SUGCT: variants seen among roughly 807,000 people sequenced by gnomAD.
SUGCT encodes succinyl-CoA:glutarate CoA-transferase.
In SUGCT, 41 loss-of-function variants were observed where a neutral mutation model predicts 55.0. That is an observed-to-expected ratio of 0.74 (90% confidence interval 0.58 to 0.97). The LOEUF is 0.97. SUGCT is among the 50% of genes least tolerant of loss of function. The pLI is 0.00. For synonymous variants in SUGCT, 187 were observed against 200.4 expected (o/e 0.93, Z 0.56); for missense variants, 568 against 547.8 (o/e 1.04, Z -0.37).
intron 9 of SUGCT, among the ~76,000 whole-genome samples, chr7:40,430,081 A>T (rs956304394): frequency 1.3e-5 from 2 of 152,200 alleles, no homozygotes; most frequent in African/African-American, 4.8e-5. Flanking sequence ...GATGAACATT[A>T]GATTATTTCC....
chr7:41,011,055 T>G, the SUGCT span, among the ~76,000 whole-genome samples: 1 of 152,224 alleles, frequency 6.6e-6, no homozygotes, highest in Admixed American at 6.5e-5. Flanking sequence ...GGACATTCAC[T>G]TACTGAGGGC....
At chr7:40,828,377 C>G (rs893785530) in intron 13 of SUGCT, among the ~76,000 whole-genome samples, 1 of 152,020 alleles carries the variant, frequency 6.6e-6, no homozygotes, top group African/African-American at 2.4e-5. Flanking sequence ...TTAATATTGT[C>G]ACAACATTGA....
the SUGCT span, among the ~76,000 whole-genome samples, chr7:40,946,089 T>A: frequency 4.7e-5 from 7 of 150,046 alleles, no homozygotes; most frequent in Non-Finnish European, 8.9e-5. Context: ...GATGGTGATA[T>A]CTGAGGTCAC....
chr7:40,778,176 T>C (rs1466194476), intron 13 of SUGCT, among the ~76,000 whole-genome samples: 1 of 152,256 alleles, frequency 6.6e-6, no homozygotes, highest in Admixed American at 6.5e-5. Context: ...ATTGTTTTAC[T>C]CAGCTGTGGC....
the SUGCT span, among the ~76,000 whole-genome samples, chr7:40,890,030 A>G: frequency 1.3e-4 from 20 of 151,838 alleles, no homozygotes; most frequent in Non-Finnish European, 2.2e-4. Context: ...GTGACAGCAT[A>G]TCTGACATAT....
chr7:40,660,358 A>G (rs751260329), intron 12 of SUGCT, among the ~76,000 whole-genome samples: 2 of 152,108 alleles, frequency 1.3e-5, no homozygotes, highest in Admixed American at 1.3e-4. Context: ...TCCCAGGTTG[A>G]AGCAATTCTC....
At chr7:40,305,640 T>A (rs867970010) in intron 8 of SUGCT, among the ~76,000 whole-genome samples, 1 of 152,180 alleles carries the variant, frequency 6.6e-6, no homozygotes. Context: ...CTCTTGTATA[T>A]GTAGATGAAC....
chr7:40,362,323 G>A (rs1394811766), intron 9 of SUGCT, among the ~76,000 whole-genome samples: 1 of 152,074 alleles, frequency 6.6e-6, no homozygotes, highest in African/African-American at 2.4e-5. Flanking sequence ...GGAGGCTGAG[G>A]TAGGAGAATC....
At position 40,727,671 on chromosome 7, in the gene SUGCT, C is replaced by CT. The variant is rs1786677191; in HGVS notation, c.1090-21758dup. On this transcript the variant is annotated intron_variant, in intron 12 of 13. Coordinates refer to ENST00000335693, the MANE Select transcript of SUGCT (RefSeq NM_001193313.2). ...CAATGTACCTGTCAATTTAATGTAA[C>CT]TTTTTGTCTAATTCTGAATGCATAG... Among the ~76,000 whole-genome samples the CT allele has an allele frequency of 2.0e-5, 3 of 152,220 alleles. No individual in the cohort carries two copies. In the South Asian group the frequency reaches 6.2e-4, roughly 32 times the overall value.
chr7:40,435,707 G>A (rs545903406), intron 9 of SUGCT, among the ~76,000 whole-genome samples: 2 of 152,096 alleles, frequency 1.3e-5, no homozygotes, highest in South Asian at 4.2e-4. Context: ...TTCTCATTGA[G>A]TTAACTGTCT....
At chr7:40,424,410 A>G (rs1787476212) in intron 9 of SUGCT, among the ~76,000 whole-genome samples, 1 of 152,158 alleles carries the variant, frequency 6.6e-6, no homozygotes, top group African/African-American at 2.4e-5. Context: ...TGCCTGAATA[A>G]TCTAAGAATC....
chr7:40,848,421 C>T (rs145297796), intron 13 of SUGCT, among the ~76,000 whole-genome samples: 121 of 152,192 alleles, frequency 8.0e-4, no homozygotes, highest in African/African-American at 2.8e-3. Flanking sequence ...GTCTATGGCT[C>T]GTGTTTTTCC....
chr7:40,459,280 G>T, intron 11 of SUGCT, 82 bp downstream of exon 11: 6 of 922,918 alleles, frequency 6.5e-6, no homozygotes, highest in East Asian at 2.7e-5. Context: ...TTTTTTTCTT[G>T]GCTTATTTGA....
intron 7 of SUGCT, among the ~76,000 whole-genome samples, chr7:40,248,926 T>A (rs199988155): frequency 0.11 from 11,047 of 101,222 alleles, 503 homozygotes; most frequent in Non-Finnish European, 0.16. Context: ...ACACACACAC[T>A]CCCTCTCTCT....
intron 6 of SUGCT, among the ~76,000 whole-genome samples, chr7:40,218,914 C>T (rs1398356954): frequency 3.3e-5 from 5 of 152,192 alleles, no homozygotes; most frequent in Admixed American, 3.3e-4. Context: ...AAGCTGGCCA[C>T]CCGAGCCAGT....
At chr7:40,990,562 CAA>C in the SUGCT span, among the ~76,000 whole-genome samples, 1 of 152,212 alleles carries the variant, frequency 6.6e-6, no homozygotes, top group African/African-American at 2.4e-5. Flanking sequence ...TAGCTAGTAA[CAA>C]GAGTCAACTT....
chr7:40,298,995 A>C (rs2151073602), intron 8 of SUGCT, among the ~76,000 whole-genome samples: 1 of 152,304 alleles, frequency 6.6e-6, no homozygotes, highest in Admixed American at 6.5e-5. Flanking sequence ...CTTGAATAAC[A>C]ATGGTTTGAA....
chr7:40,717,556 T>C (rs1319006002), intron 12 of SUGCT, among the ~76,000 whole-genome samples: 1 of 152,194 alleles, frequency 6.6e-6, no homozygotes, highest in Admixed American at 6.5e-5. Flanking sequence ...TGTAAACACT[T>C]GTGGGGAAGG....
At chr7:40,837,786 G>A (rs1037988722) in intron 13 of SUGCT, among the ~76,000 whole-genome samples, 1 of 152,020 alleles carries the variant, frequency 6.6e-6, no homozygotes, top group African/African-American at 2.4e-5. Context: ...GCTAATTTTT[G>A]TATTTTTAGT....
Sources: gnomAD v4.1 joint callset for allele counts (sites outside exome capture counted in the v4.1 genomes callset) on GRCh38, gnomAD v4.1.1 for gene constraint, MANE v1.5 for transcripts, NCBI Gene and HGNC (gene_info 2026-07-23, HGNC 2026-07-21) for gene names.